Variants in ANK1 observed in about 807,000 individuals in gnomAD.
ANK1 encodes the protein ankyrin-1.
ANK1 carries 51 observed loss-of-function variants against 210.4 expected under a neutral mutation model. The ratio of observed to expected loss-of-function variants is 0.24; its 90% CI spans 0.19 to 0.31. The LOEUF is 0.31. Ranked by LOEUF, ANK1 falls within the 10% of genes least tolerant of loss-of-function variation. The pLI is 1.00. For missense variants in ANK1, 2,051 were observed against 2,504.4 expected (o/e 0.82, Z 3.86); for synonymous variants, 967 against 1,025.9 (o/e 0.94, Z 1.10).
chr8:41,789,934 G>A (rs944622566), intron 1 of ANK1, among the ~76,000 whole-genome samples: 7 of 152,088 alleles, frequency 4.6e-5, no homozygotes, highest in South Asian at 2.1e-4. Context: ...ATAAAACCCC[G>A]GGGACCTCAG....
At chr8:41,892,962 T>TG (rs57549874) in intron 1 of ANK1, among the ~76,000 whole-genome samples, 44,718 of 151,986 alleles carry the variant, frequency 0.29, 7,462 homozygotes, top group African/African-American at 0.44. Context: ...GAGTAAACAC[T>TG]ACCCTGGGGT....
rs1016061990 is a variant in ANK1 at position 41,864,061 on chromosome 8, T to C, written c.126+32294A>G. On this transcript the variant is annotated intron_variant, in intron 1 of 42. Coordinates refer to the ANK1 transcript ENST00000265709. ...AGATCGAGATCCAGAGCATCCTGGCTAGCACGGTGAAACCCCGTCTCTACT... is the reference window on the plus strand; with the variant it reads ...AGATCGAGATCCAGAGCATCCTGGCCAGCACGGTGAAACCCCGTCTCTACT... Among the ~76,000 whole-genome samples, 5 of 152,070 alleles carry C rather than the reference T, an allele frequency of 3.3e-5. No homozygotes were observed. The East Asian group carries it at 7.7e-4, about 23-fold the overall frequency.
At chr8:41,860,802 C>A (rs755440741) in intron 1 of ANK1, among the ~76,000 whole-genome samples, 1 of 152,102 alleles carries the variant, frequency 6.6e-6, no homozygotes, top group Non-Finnish European at 1.5e-5. Context: ...CTGTGGGGGC[C>A]AAATGAAAAA....
At chr8:41,728,444 T>G (rs1243356911) in intron 3 of ANK1, among the ~76,000 whole-genome samples, 1 of 152,142 alleles carries the variant, frequency 6.6e-6, no homozygotes, top group African/African-American at 2.4e-5. Flanking sequence ...AATGAGAAAT[T>G]ATCCTTTGGA....
chr8:41,665,019 C>T (rs1270891599), intron 39 of ANK1: 6 of 1,613,428 alleles, frequency 3.7e-6, no homozygotes, highest in South Asian at 1.1e-5. Flanking sequence ...GACGAAAGTC[C>T]ACATCCTCGC....
chr8:41,816,840 A>G (rs1803425505), intron 1 of ANK1, among the ~76,000 whole-genome samples: 2 of 152,228 alleles, frequency 1.3e-5, no homozygotes, highest in Admixed American at 1.3e-4. Flanking sequence ...TTTTTCTTTA[A>G]GCCAATTAAA....
At chr8:41,682,138 G>A (rs891945622) in intron 37 of ANK1, among the ~76,000 whole-genome samples, 3 of 152,136 alleles carry the variant, frequency 2.0e-5, no homozygotes, top group Admixed American at 1.3e-4. Context: ...GGTGGGCTCC[G>A]TGTCACCCCT....
At chr8:41,767,290 G>T (rs57101367) in intron 1 of ANK1, among the ~76,000 whole-genome samples, 1 of 151,068 alleles carries the variant, frequency 6.6e-6, no homozygotes, top group African/African-American at 2.4e-5. Context: ...CCCCGGCCCC[G>T]ATCCCCGCGC....
chr8:41,882,028 C>T (rs144720454), intron 1 of ANK1, among the ~76,000 whole-genome samples: 3 of 152,230 alleles, frequency 2.0e-5, no homozygotes, highest in East Asian at 1.9e-4. Flanking sequence ...CATCTGTCAC[C>T]GCCTGCTTGT....
rs769011949 is a variant in ANK1 at position 41,715,639 on chromosome 8, C to T, written c.1602+13G>A. ...CCTGTTGCTTCCTTAGACCACGAGG[C>T]GGGAGGCTGTACCTTGGTCATGCAG... On this transcript the variant is annotated intron_variant, in intron 14 of 42. Coordinates refer to ENST00000289734, the MANE Select transcript of ANK1 (RefSeq NM_000037.4). The T allele has an allele frequency of 6.2e-5, 100 of 1,612,288 alleles. No homozygotes were observed. The highest frequency in any genetic ancestry group is 7.8e-5 in the Non-Finnish European group (92 of 1,179,890).
intron 35 of ANK1, 115 bp from the exon 36 acceptor site, chr8:41,686,398 G>A (rs1817684101): frequency 7.1e-7 from 1 of 1,401,910 alleles, no homozygotes; most frequent in Non-Finnish European, 1.0e-6. Context: ...GGGGAGCACA[G>A]GGAGCTCTGA....
intron 1 of ANK1, among the ~76,000 whole-genome samples, chr8:41,894,294 G>C (rs372149946): frequency 6.6e-6 from 1 of 152,004 alleles, no homozygotes; most frequent in African/African-American, 2.4e-5. Flanking sequence ...GAAGATTTTT[G>C]AATGCTACTG....
chr8:41,856,867 C>G (rs1451417866), intron 1 of ANK1, among the ~76,000 whole-genome samples: 3 of 144,612 alleles, frequency 2.1e-5, no homozygotes, highest in Non-Finnish European at 3.0e-5. Flanking sequence ...TGGTGCTTAA[C>G]AGCCCTCTTT....
rs961672231 is a variant in ANK1 at position 41,771,483 on chromosome 8, T to C, written c.28-13346A>G. Among the ~76,000 whole-genome samples the C allele has an allele frequency of 7.9e-5, 12 of 152,352 alleles. 1 individual carries two copies. The highest frequency in any genetic ancestry group is 6.5e-4 in the Admixed American group (10 of 15,302). ...TACTTCAAGGCTGCACGTTTTAACG[T>C]AGGCATTTAGTGTGCTAAGAACTTG... On this transcript the variant is annotated intron_variant, in intron 1 of 42. Coordinates refer to ENST00000289734, the MANE Select transcript of ANK1 (RefSeq NM_000037.4).
At chr8:41,877,707 G>A (rs1392271392) in intron 1 of ANK1, among the ~76,000 whole-genome samples, 1 of 152,230 alleles carries the variant, frequency 6.6e-6, no homozygotes, top group Non-Finnish European at 1.5e-5. Context: ...GAGCAGGTGG[G>A]TGGGAGCCAG....
chr8:41,703,444 ATATATATTT>A (rs1320507749), intron 20 of ANK1, among the ~76,000 whole-genome samples: 1 of 62,378 alleles, frequency 1.6e-5, no homozygotes, highest in Non-Finnish European at 3.0e-5. Flanking sequence ...ATATATATAT[ATATATATTT>A]TTTTTTTTTT....
At position 41,692,788 on chromosome 8, in the gene ANK1, C is replaced by T. The variant is rs141314514; in HGVS notation, c.3718G>A (p.Ala1240Thr). The change falls in exon 31 of 43, where the codon GCC becomes ACC. Residue 1240 changes from alanine (A) to threonine (T), a missense_variant. By Grantham distance (58) the Ala-to-Thr change is moderately conservative. Transcript: ENST00000289734. The stretch of plus-strand genomic sequence containing the variant: ...ATCTTGGCAAAGATGACGAATTTGG[C>T]CATGTAGGGCACTGCAGTGAGCTCT... ...YKELTAVPYMAKFVIFAKMND... is the reference protein window; with the variant it reads ...YKELTAVPYMTKFVIFAKMND... The T allele has an allele frequency of 6.2e-7, 1 of 1,613,970 alleles. No homozygotes were observed. Among genetic ancestry groups the T allele is most frequent in the Non-Finnish European group, 8.5e-7 (1 of 1,180,024 alleles).
chr8:41,694,093 C>T lies in ANK1; in HGVS notation c.3337G>A (p.Val1113Ile). Residue 1113 changes from valine to isoleucine, a missense_variant, in exon 29 of 43, where the codon GTC becomes ATC. Val to Ile is a conservative substitution (Grantham distance 29). Transcript: ENST00000289734. This position sits in a 1 kb window ranked among gnomAD's most constrained non-coding sequence, Gnocchi z 5.7. ...RVKLALQAQP[V>I]PDELVTKLLG... ...AGCTTAGTGACAAGCTCATCCGGGA[C>T]AGGCTGGGCCTGTGAAATGACAGAG... 6.2e-7 allele frequency: 1 copy of T among 1,613,826 alleles called. No homozygotes were observed. Among genetic ancestry groups the T allele is most frequent in the Non-Finnish European group, 8.5e-7 (1 of 1,179,898 alleles).
In ANK1 at chr8:41,661,471, G is replaced by A; in HGVS notation, c.5638C>T (p.Gln1880Ter). ...CCAAGGAGAGCGGCTCGGGGTCACT[G>A]TTTCCCCCTTTTCAGGCTGGCCCGC... ...VKRASLKRGK[Q>*] is the part of the protein sequence containing the mutation. The change falls in exon 42 of 43, where the codon CAG (glutamine) becomes TAG (stop). Residue 1880 changes from glutamine to a stop codon, truncating the protein, a stop_gained. Coordinates refer to ENST00000289734, the MANE Select transcript of ANK1 (RefSeq NM_000037.4). LOFTEE classifies it high-confidence loss of function. 1 of 1,613,996 alleles carries A rather than the reference G, an allele frequency of 6.2e-7. No homozygotes were observed. The highest frequency in any genetic ancestry group is 8.5e-7 in the Non-Finnish European group (1 of 1,180,020).
Sources: allele counts gnomAD v4.1 joint callset (sites outside exome capture counted in the v4.1 genomes callset), GRCh38; gene constraint gnomAD v4.1.1; non-coding constraint Gnocchi (gnomAD v3.1); transcripts MANE v1.5; gene names NCBI Gene and HGNC (gene_info 2026-07-23, HGNC 2026-07-21).